The following SRGAP1 variants were observed in gnomAD, a reference collection of about 807,000 sequenced individuals.
SRGAP1 encodes SLIT-ROBO Rho GTPase-activating protein 1.
A neutral mutation model predicts 121.9 loss-of-function variants in SRGAP1; 43 were observed. The observed-to-expected ratio is 0.35, with a 90% CI of 0.28 to 0.46. The LOEUF is 0.46. Ranked by LOEUF, SRGAP1 falls within the 20% of genes least tolerant of loss-of-function variation. The probability of loss-of-function intolerance (pLI) is 1.00; values close to 1 mark genes in which losing one functional copy is unlikely to be tolerated. For synonymous variants in SRGAP1, 447 were observed against 485.4 expected (o/e 0.92, Z 1.04); for missense variants, 1,102 against 1,350.9 (o/e 0.82, Z 2.89).
rs114444523 is a variant in SRGAP1, at chr12:64,048,129, A to G, written c.801+4554A>G. On this transcript the variant is annotated intron_variant, in intron 6 of 21. Transcript: ENST00000355086. ...GCTCTTATTCGTTCTATCTAACTAT[A>G]TTTTTCTGCTTATTAACTATCCCCA... Among the ~76,000 whole-genome samples, 571 of 152,152 alleles carry G rather than the reference A, an allele frequency of 3.8e-3. 5 individuals carry two copies. The highest frequency in any genetic ancestry group is 0.012 in the African/African-American group (519 of 41,534).
intron 11 of SRGAP1, among the ~76,000 whole-genome samples, chr12:64,090,477 A>G (rs1287409664): frequency 6.6e-6 from 1 of 152,236 alleles, no homozygotes; most frequent in African/African-American, 2.4e-5. Context: ...ACCTATTAAT[A>G]GTTACTTTTG....
intron 1 of SRGAP1, among the ~76,000 whole-genome samples, chr12:63,873,604 A>G (rs1186955063): frequency 2.0e-5 from 3 of 151,894 alleles, no homozygotes; most frequent in East Asian, 1.9e-4. Flanking sequence ...TGACATAACT[A>G]GTGAAATGAC....
chr12:64,032,429 T>G, intron 4 of SRGAP1: 3 of 673,948 alleles, frequency 4.5e-6, no homozygotes, highest in East Asian at 2.9e-5. Flanking sequence ...ATCTCTGGGC[T>G]GAGAGAGATC....
intron 3 of SRGAP1, among the ~76,000 whole-genome samples, chr12:63,997,673 G>T (rs2033750646): frequency 6.6e-6 from 1 of 152,156 alleles, no homozygotes; most frequent in South Asian, 2.1e-4. Flanking sequence ...GGAAAAGTTT[G>T]GTCCAGGTAT....
intron 3 of SRGAP1, among the ~76,000 whole-genome samples, chr12:63,994,812 T>A (rs2033648943): frequency 6.6e-6 from 1 of 152,230 alleles, no homozygotes; most frequent in Non-Finnish European, 1.5e-5. Flanking sequence ...TGCCCTGTTC[T>A]CCAGCTCTGC....
At position 64,149,579 on chromosome 12, in the gene SRGAP1, A is replaced by G. The variant is rs922120721; in HGVS notation, c.*6907A>G. On this transcript the variant is annotated 3_prime_UTR_variant, in exon 22 of 22. Coordinates refer to ENST00000355086, the MANE Select transcript of SRGAP1 (RefSeq NM_020762.4). ...TTGAGAAAATTGCGCCTGCCTCCCC[A>G]TCTCTCACTCCCGAACCAGAGTCCC... 1.8e-4 allele frequency: 27 copies of G among 152,174 alleles called. No homozygotes were observed. The highest frequency in any genetic ancestry group is 1.8e-3 in the Admixed American group (27 of 15,266). The allele number at this position is 152,174 out of a possible 1,614,324, so 9.4% of individuals were successfully genotyped here.
At chr12:63,964,717 C>G (rs1029995970) in intron 1 of SRGAP1, among the ~76,000 whole-genome samples, 3 of 152,072 alleles carry the variant, frequency 2.0e-5, no homozygotes, top group Non-Finnish European at 2.9e-5. Flanking sequence ...TACCTAAAAC[C>G]CCAGCGAAGT....
At chr12:64,058,817 A>G (rs1009982455) in intron 6 of SRGAP1, among the ~76,000 whole-genome samples, 53 of 8,496 alleles carry the variant, frequency 6.2e-3, no homozygotes, top group Non-Finnish European at 0.022. Flanking sequence ...CTAGTTTAGA[A>G]AAAAAAAAAA....
At chr12:64,092,212 A>G (rs1283378872) in intron 12 of SRGAP1, among the ~76,000 whole-genome samples, 1 of 152,168 alleles carries the variant, frequency 6.6e-6, no homozygotes, top group East Asian at 1.9e-4. Context: ...TACCAAATAC[A>G]CATTTAATAC....
intron 6 of SRGAP1, among the ~76,000 whole-genome samples, chr12:64,047,234 T>G (rs183600394): frequency 1.3e-5 from 2 of 152,300 alleles, no homozygotes; most frequent in East Asian, 3.9e-4. Flanking sequence ...TGAAAGTAAT[T>G]TTTATGTTCC....
Position 63,943,412 on chromosome 12 carries a change from A to G in SRGAP1, c.68-40535A>G, listed in dbSNP as rs530531608. On this transcript the variant is annotated intron_variant, in intron 1 of 21. Coordinates refer to ENST00000355086, the MANE Select transcript of SRGAP1 (RefSeq NM_020762.4). ...CTTAGCTATGCCAGGCCCCCATCCA[A>G]GTGTATATAGGCATTAGCATGTTAA... Among the ~76,000 whole-genome samples, 71 of 152,316 alleles carry G rather than the reference A, an allele frequency of 4.7e-4. 1 individual carries two copies. The South Asian group carries it at 5.0e-3, about 11-fold the overall frequency.
rs775742745 is a variant in SRGAP1, at chr12:64,126,083, T to A, written c.2331T>A (p.Ser777=). 1 of 1,614,186 alleles carries A rather than the reference T, an allele frequency of 6.2e-7. No individual in the cohort carries two copies. The highest frequency in any genetic ancestry group is 1.7e-5 in the Admixed American group (1 of 60,028). The change falls in exon 19 of 22, where the codon TCT becomes TCA. Residue 777 remains serine (S), a synonymous_variant. Transcript: ENST00000355086. ...GASLLLYHRA[S]EDWWEGRHNG... ...CCCTGCTGCTGTATCACCGTGCATC[T>A]GAGGACTGGTGGGAAGGCAGGCACA... is the stretch of plus-strand genomic sequence containing the variant.
At chr12:64,096,634 A>C (rs749480275) in intron 14 of SRGAP1, among the ~76,000 whole-genome samples, 97 of 152,316 alleles carry the variant, frequency 6.4e-4, no homozygotes, top group African/African-American at 2.3e-3. Context: ...CCCACTTTTT[A>C]TACAAACTCC....
chr12:64,153,201 G>A lies in SRGAP1; in HGVS notation c.*10529G>A, dbSNP rs780109687. 2.0e-5 allele frequency: 3 copies of A among 151,948 alleles called. No individual in the cohort carries two copies. The highest frequency in any genetic ancestry group is 4.8e-5 in the African/African-American group (2 of 41,370). The allele number at this position is 151,948 out of a possible 1,614,324, so 9.4% of individuals were successfully genotyped here. A position where few individuals can be genotyped will look rare whatever the true frequency, so the allele number is the denominator to read the frequency against. ...GGGAAAACAGGACCATGCTCACGTG[G>A]TTAAAGAGTCAAACACATTCACTGT... On this transcript the variant is annotated 3_prime_UTR_variant, in exon 22 of 22. Coordinates refer to ENST00000355086, the MANE Select transcript of SRGAP1 (RefSeq NM_020762.4).
intron 1 of SRGAP1, among the ~76,000 whole-genome samples, chr12:63,949,210 T>A (rs1286201684): frequency 8.1e-6 from 1 of 124,092 alleles, no homozygotes; most frequent in Non-Finnish European, 1.7e-5. Context: ...TATATATATA[T>A]TTTTTCCATA....
intron 1 of SRGAP1, among the ~76,000 whole-genome samples, chr12:63,977,738 G>A (rs2033131247): frequency 6.6e-6 from 1 of 151,812 alleles, no homozygotes; most frequent in African/African-American, 2.4e-5. Context: ...CATTGTTCTT[G>A]TTGGATTATT....
At chr12:64,117,976 A>G (rs528582792) in intron 18 of SRGAP1, among the ~76,000 whole-genome samples, 10 of 152,162 alleles carry the variant, frequency 6.6e-5, no homozygotes, top group Non-Finnish European at 1.0e-4. Context: ...GTATTTACCT[A>G]TATTTTCTTT....
intron 1 of SRGAP1, among the ~76,000 whole-genome samples, chr12:63,881,548 C>A (rs758689178): frequency 2.0e-5 from 3 of 152,180 alleles, no homozygotes; most frequent in Non-Finnish European, 4.4e-5. Flanking sequence ...TTGAGCCTCA[C>A]TTTTCTTATC....
chr12:64,064,682 A>G (rs2035506414), intron 7 of SRGAP1, among the ~76,000 whole-genome samples: 1 of 152,218 alleles, frequency 6.6e-6, no homozygotes, highest in Non-Finnish European at 1.5e-5. Context: ...GGTAGGGGAC[A>G]GAGCTGGCGT....
Sources: gnomAD v4.1 joint callset for allele counts (sites outside exome capture counted in the v4.1 genomes callset) on GRCh38, gnomAD v4.1.1 for gene constraint, MANE v1.5 for transcripts, NCBI Gene and HGNC (gene_info 2026-07-23, HGNC 2026-07-21) for gene names.